Variants in DHRSX observed in about 807,000 individuals in gnomAD.
The protein encoded by DHRSX is polyprenol dehydrogenase.
A neutral mutation model predicts 34.0 loss-of-function variants in DHRSX; 31 were observed. The observed-to-expected ratio is 0.91, with a 90% CI of 0.69 to 1.23. The LOEUF (loss-of-function observed/expected upper bound fraction) is 1.23. Among genes scored for constraint, DHRSX ranks in the 50% most tolerant of loss-of-function variants. DHRSX has a pLI of 0.00. For synonymous variants in DHRSX, 201 were observed against 183.8 expected, an observed-to-expected ratio of 1.09 and a Z score of -0.76; for missense variants, 414 against 428.1, an observed-to-expected ratio of 0.97 and a Z score of 0.29.
intron 1 of DHRSX, among the ~76,000 whole-genome samples, chrX:2,485,071 C>G (rs993823017): frequency 1.4e-4 from 22 of 152,162 alleles, no homozygotes; most frequent in South Asian, 2.1e-4. Context: ...ACAAAAACAA[C>G]CAGCTCAGAG....
In DHRSX at chrX:2,393,758, C is replaced by A. The variant is rs867231952; in HGVS notation, c.286+14987G>T. On this transcript the variant is annotated intron_variant, in intron 3 of 6. Coordinates refer to ENST00000334651, the MANE Select transcript of DHRSX (RefSeq NM_145177.3). ...TGCACACACGACACACAGGGACCTC[C>A]CCATCTCCTGGGCACACAACACCCA... 1.7e-3 allele frequency among the ~76,000 whole-genome samples: 142 copies of A among 83,694 alleles called. 27 individuals carry two copies. Among genetic ancestry groups the A allele is most frequent in the East Asian group, 0.011 (32 of 2,808 alleles). The allele number at this position is 83,694 out of a possible 152,430, so 54.9% of individuals were successfully genotyped here.
At chrX:2,394,082 T>G (rs2043378193) in intron 3 of DHRSX, among the ~76,000 whole-genome samples, 1 of 152,168 alleles carries the variant, frequency 6.6e-6, no homozygotes, top group African/African-American at 2.4e-5. Context: ...GTGGGCAAGA[T>G]GGGTTGGCAG....
At chrX:2,398,216 G>T (rs768961690) in intron 3 of DHRSX, among the ~76,000 whole-genome samples, 57 of 152,270 alleles carry the variant, frequency 3.7e-4, no homozygotes, top group African/African-American at 1.3e-3. Context: ...AAATATGTCA[G>T]TATGACTCAT....
intron 6 of DHRSX, among the ~76,000 whole-genome samples, chrX:2,229,999 T>TCATGCATATGTGCACA (rs1299405757): frequency 6.6e-6 from 1 of 152,170 alleles, no homozygotes; most frequent in Non-Finnish European, 1.5e-5. Flanking sequence ...GTGTGTTTGC[T>TCATGCATATGTGCACA]CATGCATATG....
chrX:2,238,807 A>C, intron 6 of DHRSX, among the ~76,000 whole-genome samples: 2 of 150,100 alleles, frequency 1.3e-5, no homozygotes, highest in Non-Finnish European at 3.0e-5. Flanking sequence ...CTGGTCTCGA[A>C]CTCCTGACCT....
In DHRSX at chrX:2,430,975, C is replaced by T. The variant is rs185941712; in HGVS notation, c.110-5671G>A. Among the ~76,000 whole-genome samples the T allele has an allele frequency of 8.9e-4, 136 of 151,962 alleles. 1 individual carries two copies. The highest frequency in any genetic ancestry group is 3.1e-3 in the African/African-American group (130 of 41,454). On this transcript the variant is annotated intron_variant, in intron 1 of 6. Coordinates refer to ENST00000334651, the MANE Select transcript of DHRSX (RefSeq NM_145177.3). ...GGGAGGTTGAGGCTGTAGTGAGCTC[C>T]GATCATACCACTGCACTCCAGCCTG...
intron 1 of DHRSX, among the ~76,000 whole-genome samples, chrX:2,456,615 A>G (rs954332266): frequency 2.4e-4 from 15 of 63,606 alleles, no homozygotes; most frequent in Non-Finnish European, 4.4e-4. Context: ...CTCCTCTTCA[A>G]AAAAAAAAAA....
intron 3 of DHRSX, among the ~76,000 whole-genome samples, chrX:2,302,098 G>A (rs2042018794): frequency 6.6e-6 from 1 of 152,048 alleles, no homozygotes; most frequent in Non-Finnish European, 1.5e-5. Flanking sequence ...GCTGATCTAG[G>A]ACACTTTAAA....
chrX:2,411,252 C>G (rs1255557116), intron 2 of DHRSX, among the ~76,000 whole-genome samples: 1 of 151,988 alleles, frequency 6.6e-6, no homozygotes, highest in Non-Finnish European at 1.5e-5. Flanking sequence ...ATCTCAAGAT[C>G]AAAGGGTGCG....
At chrX:2,392,424 T>G in intron 3 of DHRSX, 1 of 296,806 alleles carries the variant, frequency 3.4e-6, no homozygotes, top group South Asian at 3.0e-5. Flanking sequence ...GGAGGATCGC[T>G]TGAGTTCCAG....
Position 2,346,708 on chromosome X carries a change from G to C in DHRSX, c.287-55105C>G, listed in dbSNP as rs760596178. Among the ~76,000 whole-genome samples, 3 of 151,658 alleles carry C rather than the reference G, an allele frequency of 2.0e-5. No homozygotes were observed. The South Asian group carries it at 6.3e-4, about 32-fold the overall frequency. ...TGGGGTACATGTGCAGAACATGCAG[G>C]TTACATAGGTATCCATGTGCCATGG... is the stretch of plus-strand genomic sequence containing the variant. On this transcript the variant is annotated intron_variant, in intron 3 of 6. Coordinates refer to ENST00000334651, the MANE Select transcript of DHRSX (RefSeq NM_145177.3).
At chrX:2,317,544 G>T (rs1273571505) in intron 3 of DHRSX, among the ~76,000 whole-genome samples, 5 of 151,916 alleles carry the variant, frequency 3.3e-5, no homozygotes, top group African/African-American at 1.2e-4. Context: ...GAGCCACTGC[G>T]TGCGGCCCTG....
At chrX:2,394,237 C>T (rs1255009350) in intron 3 of DHRSX, among the ~76,000 whole-genome samples, 1 of 152,128 alleles carries the variant, frequency 6.6e-6, no homozygotes, top group Non-Finnish European at 1.5e-5. Flanking sequence ...CAGCAGGCTC[C>T]CTGTGAAGGC....
chrX:2,494,479 AG>A (rs2045233224), intron 1 of DHRSX, among the ~76,000 whole-genome samples: 1 of 151,892 alleles, frequency 6.6e-6, no homozygotes, highest in African/African-American at 2.4e-5. Flanking sequence ...TGGCTGAGAA[AG>A]GTGCCAGGAC....
chrX:2,405,545 C>T (rs180946424), intron 3 of DHRSX, among the ~76,000 whole-genome samples: 11 of 152,040 alleles, frequency 7.2e-5, no homozygotes, highest in Admixed American at 2.0e-4. Context: ...GTGGCTCACA[C>T]CTATAATCCC....
At chrX:2,378,907 G>C (rs1338935933) in intron 3 of DHRSX, among the ~76,000 whole-genome samples, 1 of 152,082 alleles carries the variant, frequency 6.6e-6, no homozygotes. Context: ...CCCAACCTCA[G>C]GTGATTCGCC....
rs190439285 is a variant in DHRSX, at chrX:2,498,718, C to A, written c.109+2099G>T. 7.2e-5 allele frequency among the ~76,000 whole-genome samples: 11 copies of A among 152,014 alleles called. No homozygotes were observed. In the East Asian group the frequency reaches 1.9e-3, roughly 27 times the overall value. Reference sequence around the variant, plus strand: ...GCATTTTGGTGAGCTGCTGCAGGAACCCCGGCCTCTTCTGCCAGGGCCCAC... The same window carrying A: ...GCATTTTGGTGAGCTGCTGCAGGAAACCCGGCCTCTTCTGCCAGGGCCCAC... On this transcript the variant is annotated intron_variant, in intron 1 of 6. Transcript: ENST00000334651.
At chrX:2,247,972 C>T (rs2016337721) in intron 5 of DHRSX, among the ~76,000 whole-genome samples, 1 of 152,072 alleles carries the variant, frequency 6.6e-6, no homozygotes, top group African/African-American at 2.4e-5. Context: ...TCTAAGTTTC[C>T]CTACACCCTG....
chrX:2,302,950 G>A (rs955156585), intron 3 of DHRSX, among the ~76,000 whole-genome samples: 19 of 152,022 alleles, frequency 1.2e-4, no homozygotes, highest in Non-Finnish European at 2.6e-4. Context: ...GTTTAAAAGC[G>A]CTGATTCTGA....
Sources: allele counts gnomAD v4.1 joint callset (sites outside exome capture counted in the v4.1 genomes callset), GRCh38; gene constraint gnomAD v4.1.1; transcripts MANE v1.5; gene names NCBI Gene and HGNC (gene_info 2026-07-23, HGNC 2026-07-21).